CHSY3: variants seen among roughly 807,000 people sequenced by gnomAD.
The protein encoded by CHSY3 is chondroitin sulfate synthase 3.
Under a neutral mutation model 67.2 loss-of-function variants are expected in CHSY3, and 35 were observed. That is an observed-to-expected ratio of 0.52 (90% CI 0.40 to 0.69). CHSY3 has a LOEUF of 0.69. Among genes scored for constraint, CHSY3 ranks in the 30% least tolerant of loss-of-function variants. CHSY3 has a pLI of 0.00. For missense variants in CHSY3, 1,069 were observed against 1,138.5 expected, an observed-to-expected ratio of 0.94 and a Z score of 0.88; for synonymous variants, 474 against 434.7, an observed-to-expected ratio of 1.09 and a Z score of -1.12.
chr5:130,037,959 G>T (rs1332919477), intron 2 of CHSY3, among the ~76,000 whole-genome samples: 2 of 151,944 alleles, frequency 1.3e-5, no homozygotes, highest in South Asian at 4.1e-4. Flanking sequence ...CTTAATTTGT[G>T]GTGCTGTTTG....
intron 2 of CHSY3, among the ~76,000 whole-genome samples, chr5:130,077,445 C>A (rs1263253957): frequency 1.3e-5 from 2 of 152,034 alleles, no homozygotes; most frequent in Admixed American, 1.3e-4. Context: ...TAAGGATGGG[C>A]ATTTTAAAGG....
At chr5:130,011,775 T>C (rs1187090404) in intron 2 of CHSY3, among the ~76,000 whole-genome samples, 2 of 152,138 alleles carry the variant, frequency 1.3e-5, no homozygotes, top group African/African-American at 4.8e-5. Flanking sequence ...AGTCTCAGGA[T>C]ACAAAAGCAA....
chr5:129,981,259 A>C (rs1242630476), intron 2 of CHSY3, among the ~76,000 whole-genome samples: 1 of 151,472 alleles, frequency 6.6e-6, no homozygotes, highest in East Asian at 1.9e-4. Flanking sequence ...ATTTATGTGG[A>C]TCTATTTCTG....
intron 2 of CHSY3, among the ~76,000 whole-genome samples, chr5:130,007,413 A>G (rs1001637034): frequency 8.6e-5 from 13 of 151,970 alleles, no homozygotes; most frequent in African/African-American, 3.1e-4. Context: ...AGTAATAGAG[A>G]ATGGAAGGAG....
chr5:130,035,377 C>T (rs571100033), intron 2 of CHSY3, among the ~76,000 whole-genome samples: 4 of 152,118 alleles, frequency 2.6e-5, no homozygotes, highest in African/African-American at 9.6e-5. Flanking sequence ...TATAAACAGC[C>T]AAAAACATGG....
intron 2 of CHSY3, among the ~76,000 whole-genome samples, chr5:130,056,992 C>T (rs889761035): frequency 3.0e-5 from 4 of 133,588 alleles, no homozygotes; most frequent in African/African-American, 8.5e-5. Context: ...GGCGTGATCT[C>T]GGCTCACTGC....
At chr5:129,970,577 A>G (rs1184071593) in intron 2 of CHSY3, among the ~76,000 whole-genome samples, 3 of 151,920 alleles carry the variant, frequency 2.0e-5, no homozygotes, top group African/African-American at 7.2e-5. Flanking sequence ...ATATTTATCT[A>G]AAGCATTTGA....
intron 2 of CHSY3, among the ~76,000 whole-genome samples, chr5:130,032,819 A>G (rs1561506272): frequency 1.3e-5 from 2 of 152,190 alleles, no homozygotes; most frequent in Admixed American, 1.3e-4. Context: ...ATTTAACACC[A>G]TTAACACCTG....
chr5:129,920,255 T>C (rs142348435), intron 2 of CHSY3, among the ~76,000 whole-genome samples: 15 of 152,302 alleles, frequency 9.8e-5, no homozygotes, highest in African/African-American at 3.6e-4. Flanking sequence ...TGTTTGCTTT[T>C]TGTTTTGAGA....
intron 2 of CHSY3, among the ~76,000 whole-genome samples, chr5:130,018,702 T>G (rs1233230280): frequency 6.6e-6 from 1 of 152,192 alleles, no homozygotes; most frequent in Non-Finnish European, 1.5e-5. Context: ...AGATATGGTT[T>G]GTTTGTCCGC....
chr5:130,061,212 A>T (rs1393695800), intron 2 of CHSY3, among the ~76,000 whole-genome samples: 1 of 152,158 alleles, frequency 6.6e-6, no homozygotes, highest in African/African-American at 2.4e-5. Flanking sequence ...ACAAAAATAG[A>T]TACTTTGATC....
intron 2 of CHSY3, among the ~76,000 whole-genome samples, chr5:129,909,762 TATTC>T (rs1760467628): frequency 6.6e-6 from 1 of 152,030 alleles, no homozygotes; most frequent in South Asian, 2.1e-4. Context: ...ACAGAGAACA[TATTC>T]AGTTGATTTT....
intron 2 of CHSY3, among the ~76,000 whole-genome samples, chr5:130,143,205 T>C (rs1448411346): frequency 6.6e-6 from 1 of 152,176 alleles, no homozygotes; most frequent in Non-Finnish European, 1.5e-5. Flanking sequence ...ATTTGTTTCC[T>C]TTGATCATTG....
At chr5:129,988,704 T>C (rs1156330968) in intron 2 of CHSY3, among the ~76,000 whole-genome samples, 4 of 152,218 alleles carry the variant, frequency 2.6e-5, no homozygotes, top group Admixed American at 6.5e-5. Flanking sequence ...ATTAGATCAT[T>C]GGGCTAATCA....
chr5:130,178,253 ATT>A (rs10699248), intron 2 of CHSY3, among the ~76,000 whole-genome samples: 583 of 45,854 alleles, frequency 0.013, 7 homozygotes, highest in African/African-American at 0.018. Context: ...ATATATATAT[ATT>A]TTTTTTTTTT....
At chr5:130,100,526 C>T (rs150341149) in intron 2 of CHSY3, among the ~76,000 whole-genome samples, 165 of 152,124 alleles carry the variant, frequency 1.1e-3, no homozygotes, top group African/African-American at 3.8e-3. Context: ...TCAAAGTATC[C>T]GATTGTCAGC....
At chr5:130,110,293 A>G (rs1418735125) in intron 2 of CHSY3, among the ~76,000 whole-genome samples, 1 of 151,898 alleles carries the variant, frequency 6.6e-6, no homozygotes, top group Non-Finnish European at 1.5e-5. Context: ...CTTTAGTCAA[A>G]ATTTCAACCA....
intron 2 of CHSY3, among the ~76,000 whole-genome samples, chr5:129,908,677 CAA>C (rs1165271242): frequency 7.2e-4 from 110 of 152,222 alleles, no homozygotes; most frequent in Non-Finnish European, 2.9e-5. Context: ...CCTTTTCTAA[CAA>C]GAGGTTTAAT....
intron 2 of CHSY3, among the ~76,000 whole-genome samples, chr5:130,096,515 C>T (rs749441852): frequency 3.0e-4 from 46 of 152,100 alleles, no homozygotes; most frequent in Non-Finnish European, 6.2e-4. Flanking sequence ...ATAAATCTTC[C>T]ATGGTTATGT....
Sources: allele counts gnomAD v4.1 joint callset (sites outside exome capture counted in the v4.1 genomes callset), GRCh38; gene constraint gnomAD v4.1.1; transcripts MANE v1.5; gene names NCBI Gene and HGNC (gene_info 2026-07-23, HGNC 2026-07-21).